The following PIBF1 variants were observed in gnomAD, a reference collection of about 807,000 sequenced individuals.
The protein encoded by PIBF1 is progesterone immunomodulatory binding factor 1.
Under a neutral mutation model 112.5 loss-of-function variants are expected in PIBF1, and 90 were observed. The observed-to-expected ratio is 0.80, with a 90% CI of 0.67 to 0.95. The LOEUF (loss-of-function observed/expected upper bound fraction) is 0.95, where lower values mean the gene tolerates loss of function less well. Ranked by LOEUF, PIBF1 falls within the 40% of genes least tolerant of loss-of-function variation. The pLI is 0.00. For missense variants in PIBF1, 915 were observed against 852.3 expected (o/e 1.07, Z -0.92); for synonymous variants, 301 against 288.6 (o/e 1.04, Z -0.44).
intron 14 of PIBF1, among the ~76,000 whole-genome samples, chr13:72,943,317 A>C (rs1240851993): frequency 6.6e-6 from 1 of 152,168 alleles, no homozygotes; most frequent in Non-Finnish European, 1.5e-5. Flanking sequence ...AGTTTACAAT[A>C]ATTTATTGTA....
intron 14 of PIBF1, among the ~76,000 whole-genome samples, chr13:72,938,173 A>G (rs193174378): frequency 1.4e-4 from 22 of 152,324 alleles, no homozygotes; most frequent in African/African-American, 4.3e-4. Context: ...GCCATTTAAG[A>G]GTTTACTTTT....
intron 17 of PIBF1, among the ~76,000 whole-genome samples, chr13:73,009,798 G>A (rs1205741758): frequency 6.6e-6 from 1 of 152,182 alleles, no homozygotes; most frequent in East Asian, 1.9e-4. Flanking sequence ...CTTGACTGTG[G>A]CAAATCTGTC....
Position 72,810,410 on chromosome 13 carries a change from C to T in PIBF1, c.673-11439C>T, listed in dbSNP as rs79749499. On this transcript the variant is annotated intron_variant, in intron 5 of 17. Transcript: ENST00000326291. ...TTTTCTCTTATGAGAACTTTGGTAA[C>T]TAGGAAGCAAGAAGAATTTTGTCAA... 4.4e-4 allele frequency among the ~76,000 whole-genome samples: 67 copies of T among 152,232 alleles called. No individual in the cohort carries two copies. The East Asian group carries it at 0.011, about 25-fold the overall frequency.
intron 14 of PIBF1, among the ~76,000 whole-genome samples, chr13:72,943,705 C>T (rs1220148877): frequency 6.6e-6 from 1 of 152,194 alleles, no homozygotes; most frequent in Non-Finnish European, 1.5e-5. Context: ...TTGTTACCTT[C>T]GTACTCCTCA....
At position 72,885,888 on chromosome 13, in the gene PIBF1, G is replaced by T. The variant is rs554207765; in HGVS notation, c.1323-7896G>T. Among the ~76,000 whole-genome samples, 3 of 152,142 alleles carry T rather than the reference G, an allele frequency of 2.0e-5. No homozygotes were observed. The East Asian group carries it at 5.8e-4, about 29-fold the overall frequency. ...TCCATCTTTACTACCAGACCATCTA[G>T]GCTTAAAGACCCATGACTCTGGTTG... On this transcript the variant is annotated intron_variant, in intron 10 of 17. Transcript: ENST00000326291.
At chr13:72,870,331 T>C (rs1291072312) in intron 10 of PIBF1, among the ~76,000 whole-genome samples, 1 of 152,224 alleles carries the variant, frequency 6.6e-6, no homozygotes. Context: ...GAGCCAACAT[T>C]ATGAACTCAG....
intron 10 of PIBF1, among the ~76,000 whole-genome samples, chr13:72,866,180 C>T (rs1001332017): frequency 1.1e-4 from 16 of 152,070 alleles, no homozygotes; most frequent in Non-Finnish European, 8.8e-5. Flanking sequence ...ATTGCATGTA[C>T]GGCACACTCA....
intron 9 of PIBF1, among the ~76,000 whole-genome samples, chr13:72,842,750 C>A (rs1189775314): frequency 6.6e-6 from 1 of 152,148 alleles, no homozygotes; most frequent in Non-Finnish European, 1.5e-5. Context: ...GTTTTAAGTT[C>A]TTCCATGGAA....
chr13:72,816,498 A>C lies in PIBF1; in HGVS notation c.673-5351A>C, dbSNP rs147856154. Among the ~76,000 whole-genome samples, 1,289 of 152,012 alleles carry C rather than the reference A, an allele frequency of 8.5e-3. 66 individuals are homozygous for C. Among genetic ancestry groups the C allele is most frequent in the East Asian group, 9.3e-3 (48 of 5,146 alleles). On this transcript the variant is annotated intron_variant, in intron 5 of 17. Coordinates refer to ENST00000326291, the MANE Select transcript of PIBF1 (RefSeq NM_006346.4). ...GACACCATGGCAAAACCCTTTCTCT[A>C]CTAAAATACAAAAAACTAACTGAGC... is the stretch of plus-strand genomic sequence containing the variant.
intron 15 of PIBF1, among the ~76,000 whole-genome samples, chr13:72,971,659 TTATA>T (rs1594294335): frequency 2.0e-5 from 3 of 152,320 alleles, no homozygotes; most frequent in East Asian, 3.9e-4. Flanking sequence ...GTTCAACACT[TTATA>T]TAATCATTCA....
At chr13:72,991,519 A>G (rs759651865) in intron 16 of PIBF1, among the ~76,000 whole-genome samples, 1 of 152,178 alleles carries the variant, frequency 6.6e-6, no homozygotes, top group Non-Finnish European at 1.5e-5. Context: ...GAATTACAAC[A>G]TGTACTGTTA....
intron 12 of PIBF1, among the ~76,000 whole-genome samples, chr13:72,913,776 T>C (rs1338874763): frequency 1.3e-5 from 2 of 150,658 alleles, no homozygotes; most frequent in Non-Finnish European, 3.0e-5. Context: ...AAAAAAAAAA[T>C]TGCAGATGTT....
chr13:73,014,819 T>C (rs140366595), intron 17 of PIBF1, among the ~76,000 whole-genome samples: 147 of 152,226 alleles, frequency 9.7e-4, no homozygotes, highest in African/African-American at 3.1e-3. Flanking sequence ...CATGATGTCT[T>C]GCTCTGTCAC....
At chr13:72,795,071 A>G (rs150836153) in intron 3 of PIBF1, among the ~76,000 whole-genome samples, 5 of 152,272 alleles carry the variant, frequency 3.3e-5, no homozygotes, top group Non-Finnish European at 7.4e-5. Context: ...ATTAAACCTT[A>G]AGCAGAAGAA....
At position 72,902,039 on chromosome 13, in the gene PIBF1, G is replaced by A. The variant is rs571970441; in HGVS notation, c.1489-6492G>A. 1.9e-3 allele frequency among the ~76,000 whole-genome samples: 82 copies of A among 43,642 alleles called. 1 individual carries two copies. Among genetic ancestry groups the A allele is most frequent in the African/African-American group, 6.7e-3 (74 of 11,038 alleles). The allele number at this position is 43,642 out of a possible 152,430, so 28.6% of individuals were successfully genotyped here. A position where few individuals can be genotyped will look rare whatever the true frequency, so the allele number is the denominator to read the frequency against. ...GTGTGTGTGTATACACACACATGAT[G>A]GAATACTGCTCAGCCATAAAAAGGA... On this transcript the variant is annotated intron_variant, in intron 11 of 17. Transcript: ENST00000326291.
chr13:72,924,193 G>A (rs1373598758), intron 13 of PIBF1, among the ~76,000 whole-genome samples: 3 of 151,982 alleles, frequency 2.0e-5, no homozygotes, highest in Admixed American at 6.5e-5. Context: ...TAAAGTTTTA[G>A]GAGGTTGAAT....
intron 10 of PIBF1, among the ~76,000 whole-genome samples, chr13:72,886,796 C>T (rs1276861617): frequency 1.3e-5 from 2 of 151,924 alleles, no homozygotes; most frequent in Non-Finnish European, 2.9e-5. Flanking sequence ...GCTTGTAAGC[C>T]AAAAATGACA....
intron 12 of PIBF1, among the ~76,000 whole-genome samples, chr13:72,915,162 A>G (rs958371074): frequency 6.6e-6 from 1 of 152,174 alleles, no homozygotes; most frequent in Non-Finnish European, 1.5e-5. Context: ...ATATATATAT[A>G]TACCATTTTA....
intron 5 of PIBF1, among the ~76,000 whole-genome samples, chr13:72,799,664 A>G (rs1409712967): frequency 6.6e-6 from 1 of 152,138 alleles, no homozygotes; most frequent in Non-Finnish European, 1.5e-5. Flanking sequence ...AATCATTTAT[A>G]CTCTATTGTT....
Sources: gnomAD v4.1 joint callset for allele counts (sites outside exome capture counted in the v4.1 genomes callset) on GRCh38, gnomAD v4.1.1 for gene constraint, MANE v1.5 for transcripts, NCBI Gene and HGNC (gene_info 2026-07-23, HGNC 2026-07-21) for gene names.